NHSL1: variants seen among roughly 807,000 people sequenced by gnomAD.
NHSL1 encodes NHS like 1.
A neutral mutation model predicts 95.0 loss-of-function variants in NHSL1; 48 were observed. The observed-to-expected ratio is 0.51, with a 90% CI of 0.40 to 0.64. The LOEUF (loss-of-function observed/expected upper bound fraction) is 0.64, where lower values mean the gene tolerates loss of function less well. NHSL1 is among the 30% of genes least tolerant of loss of function. The pLI is 0.00. For synonymous variants in NHSL1, 783 were observed against 833.9 expected (o/e 0.94, Z 1.05); for missense variants, 1,971 against 2,077.7 (o/e 0.95, Z 1.00).
intron 1 of NHSL1, among the ~76,000 whole-genome samples, chr6:138,672,047 G>A (rs909574276): frequency 7.2e-5 from 11 of 151,936 alleles, no homozygotes; most frequent in African/African-American, 2.4e-4. Flanking sequence ...CAAAAGGAGC[G>A]TAATGTTTGG....
At chr6:138,562,150 T>C (rs991452766) in intron 1 of NHSL1, among the ~76,000 whole-genome samples, 9 of 152,196 alleles carry the variant, frequency 5.9e-5, no homozygotes, top group African/African-American at 2.2e-4. Flanking sequence ...GTATGTTGAT[T>C]ACACATAAAT....
intron 1 of NHSL1, among the ~76,000 whole-genome samples, chr6:138,570,613 G>A (rs1335582806): frequency 1.3e-5 from 2 of 152,142 alleles, no homozygotes; most frequent in African/African-American, 4.8e-5. Context: ...AGAACAAATA[G>A]TTTACACACA....
At chr6:138,668,551 T>C (rs947948228) in intron 1 of NHSL1, among the ~76,000 whole-genome samples, 2 of 151,918 alleles carry the variant, frequency 1.3e-5, no homozygotes, top group African/African-American at 4.8e-5. Flanking sequence ...GCAATTATTA[T>C]CTGTCAATTA....
At chr6:138,436,886 A>G (rs1157487021) in intron 5 of NHSL1, among the ~76,000 whole-genome samples, 1 of 152,254 alleles carries the variant, frequency 6.6e-6, no homozygotes, top group Non-Finnish European at 1.5e-5. Flanking sequence ...AGCCTGGATG[A>G]CAGCATGTCA....
rs1375624524 is a variant in NHSL1, at chr6:138,422,090, AT to A, written c.*1990del. On this transcript the variant is annotated 3_prime_UTR_variant, in exon 8 of 8. Transcript: ENST00000343505. ...CAAAGGAAATTAAATACAAATGTAT[AT>A]TTTTCATTAAAAATGGGGATTTAAA... The A allele has an allele frequency of 6.6e-6, 1 of 152,242 alleles. No individual in the cohort carries two copies. The highest frequency in any genetic ancestry group is 2.4e-5 in the African/African-American group (1 of 41,460). The allele number at this position is 152,242 out of a possible 1,614,324, so 9.4% of individuals were successfully genotyped here. A position where few individuals can be genotyped will look rare whatever the true frequency, so the allele number is the denominator to read the frequency against.
intron 3 of NHSL1, among the ~76,000 whole-genome samples, chr6:138,451,162 T>C (rs1777210555): frequency 6.6e-6 from 1 of 152,046 alleles, no homozygotes; most frequent in Non-Finnish European, 1.5e-5. Context: ...CTGACTGCAT[T>C]TCCTACTGTT....
intron 1 of NHSL1, among the ~76,000 whole-genome samples, chr6:138,658,733 A>C (rs1785188341): frequency 6.6e-6 from 1 of 152,178 alleles, no homozygotes; most frequent in Non-Finnish European, 1.5e-5. Flanking sequence ...TGGGTCCATA[A>C]ATAAGACCAT....
intron 1 of NHSL1, among the ~76,000 whole-genome samples, chr6:138,527,391 TAAA>T (rs1012855482): frequency 2.0e-5 from 3 of 152,044 alleles, no homozygotes; most frequent in South Asian, 4.2e-4. Context: ...CCAAAAAATT[TAAA>T]AAAAAGTTTC....
chr6:138,674,997 T>C (rs1159956993), intron 1 of NHSL1, among the ~76,000 whole-genome samples: 4 of 150,272 alleles, frequency 2.7e-5, no homozygotes, highest in Non-Finnish European at 5.9e-5. Context: ...AAGTGAGCTA[T>C]GAGAACTATG....
chr6:138,558,797 C>T (rs1238017897), intron 1 of NHSL1, among the ~76,000 whole-genome samples: 1 of 152,144 alleles, frequency 6.6e-6, no homozygotes, highest in Non-Finnish European at 1.5e-5. Flanking sequence ...ATTCCCAGCA[C>T]TTTGGGAGGC....
chr6:138,494,621 G>A (rs951165965), intron 2 of NHSL1, among the ~76,000 whole-genome samples: 1 of 152,076 alleles, frequency 6.6e-6, no homozygotes, highest in Non-Finnish European at 1.5e-5. Flanking sequence ...TGACATACAA[G>A]ATAAAATTAT....
In NHSL1 at chr6:138,431,978, C is replaced by T. The variant is rs1335305639; in HGVS notation, c.2367G>A (p.Met789Ile). 2 of 1,551,776 alleles carry T rather than the reference C, an allele frequency of 1.3e-6. No individual in the cohort carries two copies. The highest frequency in any genetic ancestry group is 4.9e-5 in the East Asian group (2 of 40,916). The change falls in exon 6 of 8, where the codon ATG becomes ATA. Residue 789 changes from methionine (M) to isoleucine (I), a missense_variant. By Grantham distance (10) the Met-to-Ile change is conservative. This residue lies in a region of NHSL1 where 1,602 missense variants were observed against 1,654.5 expected (regional missense o/e 0.97). Coordinates refer to ENST00000343505, the MANE Select transcript of NHSL1 (RefSeq NM_001144060.2). The surrounding 1 kb of genome is among the most constrained non-coding windows in gnomAD (Gnocchi z 4.0). ...PWGYYIDYTGMQEDPGNPAGG... is the reference protein window; with the variant it reads ...PWGYYIDYTGIQEDPGNPAGG... ...CTGCCGGGTTCCCCGGATCTTCCTG[C>T]ATGCCCGTGTAGTCAATGTAATAAC...
rs147469670 is a variant in NHSL1 at position 138,520,685 on chromosome 6, T to C, written c.17-24314A>G. On this transcript the variant is annotated intron_variant, in intron 1 of 4. Coordinates refer to the NHSL1 transcript ENST00000342260. ...ATTTCTCAGAAATATTTTCCAAATA[T>C]TTTACCACAGATACTGCCTATGACA... Among the ~76,000 whole-genome samples the C allele has an allele frequency of 2.2e-4, 34 of 152,308 alleles. 1 individual carries two copies. In the East Asian group the frequency reaches 6.4e-3, roughly 28 times the overall value.
chr6:138,510,661 C>A (rs1781178304), intron 1 of NHSL1, among the ~76,000 whole-genome samples: 1 of 152,250 alleles, frequency 6.6e-6, no homozygotes, highest in Non-Finnish European at 1.5e-5. Flanking sequence ...TACAGAACTT[C>A]CATTAATGTC....
intron 3 of NHSL1, among the ~76,000 whole-genome samples, chr6:138,465,763 G>A (rs1176630822): frequency 9.5e-5 from 13 of 136,132 alleles, no homozygotes; most frequent in African/African-American, 1.9e-4. Context: ...TAGCTCTGTC[G>A]CCTAGGCTGG....
intron 3 of NHSL1, among the ~76,000 whole-genome samples, chr6:138,469,179 T>C (rs983499685): frequency 6.6e-6 from 1 of 152,088 alleles, no homozygotes; most frequent in Non-Finnish European, 1.5e-5. Context: ...TCAGGGCAAA[T>C]ATTTACTTAG....
chr6:138,631,452 C>T (rs540781043), intron 1 of NHSL1, among the ~76,000 whole-genome samples: 1 of 152,216 alleles, frequency 6.6e-6, no homozygotes, highest in East Asian at 1.9e-4. Flanking sequence ...AAAAGAGACC[C>T]CTTCCTTCCA....
At chr6:138,631,306 T>C (rs556266573) in intron 1 of NHSL1, among the ~76,000 whole-genome samples, 2 of 152,264 alleles carry the variant, frequency 1.3e-5, no homozygotes, top group South Asian at 4.1e-4. Context: ...CTACAACTTC[T>C]AGGCAAGTCG....
At chr6:138,568,449 CTA>C (rs1345113361) in intron 1 of NHSL1, among the ~76,000 whole-genome samples, 1 of 152,150 alleles carries the variant, frequency 6.6e-6, no homozygotes, top group Non-Finnish European at 1.5e-5. Context: ...CACTTTTTTA[CTA>C]TAAAGAAGAC....
Sources: gnomAD v4.1 joint callset for allele counts (sites outside exome capture counted in the v4.1 genomes callset) on GRCh38, gnomAD v4.1.1 for gene constraint, gnomAD v4.1.1 regional missense constraint, Gnocchi (gnomAD v3.1) non-coding constraint, MANE v1.5 for transcripts, NCBI Gene and HGNC (gene_info 2026-07-23, HGNC 2026-07-21) for gene names.